The following RASGRF1 variants were observed in gnomAD, a reference collection of about 807,000 sequenced individuals.
RASGRF1 encodes the protein Ras protein specific guanine nucleotide releasing factor 1.
In RASGRF1, 40 loss-of-function variants were observed where a neutral mutation model predicts 138.7. That is an observed-to-expected ratio of 0.29 (90% CI 0.22 to 0.38). The LOEUF is 0.38. RASGRF1 is among the 10% of genes least tolerant of loss of function. RASGRF1 has a pLI of 1.00. For synonymous variants in RASGRF1, 614 were observed against 663.2 expected (o/e 0.93, Z 1.14); for missense variants, 1,108 against 1,650.4 (o/e 0.67, Z 5.69).
At chr15:79,077,734 A>G (rs1365549536) in intron 1 of RASGRF1, among the ~76,000 whole-genome samples, 2 of 152,052 alleles carry the variant, frequency 1.3e-5, no homozygotes, top group Non-Finnish European at 2.9e-5. Flanking sequence ...TATTTCTGGA[A>G]TCTGTGCCTT....
chr15:79,027,299 C>T lies in RASGRF1; in HGVS notation c.1381+442G>A, dbSNP rs920867535. On this transcript the variant is annotated intron_variant, in intron 9 of 26. Transcript: ENST00000558480. The surrounding 1 kb of genome is among the most constrained non-coding windows in gnomAD (Gnocchi z 4.8). ...GAGAACCACTGTGAAAATGGTCTCT[C>T]CAAAGCAGCAGAGGATGATGAGGAA... 5.9e-5 allele frequency among the ~76,000 whole-genome samples: 9 copies of T among 152,140 alleles called. No homozygotes were observed. The highest frequency in any genetic ancestry group is 1.3e-4 in the Non-Finnish European group (9 of 68,022).
intron 26 of RASGRF1, among the ~76,000 whole-genome samples, chr15:78,967,559 A>G (rs1335449116): frequency 6.8e-6 from 1 of 147,574 alleles, no homozygotes; most frequent in Non-Finnish European, 1.5e-5. Context: ...AAAAAACTAA[A>G]ATAAATAAAT....
chr15:79,007,550 T>TTC (rs2056705855), intron 13 of RASGRF1, among the ~76,000 whole-genome samples: 1 of 149,250 alleles, frequency 6.7e-6, no homozygotes, highest in Non-Finnish European at 1.5e-5. Flanking sequence ...ATCTAGTTTT[T>TTC]TTTTTTTTTT....
At chr15:79,047,250 A>C (rs1483994057) in intron 4 of RASGRF1, among the ~76,000 whole-genome samples, 1 of 145,050 alleles carries the variant, frequency 6.9e-6, no homozygotes, top group African/African-American at 2.4e-5. Context: ...GGCTAGACTG[A>C]AAGTGTGGTC....
chr15:79,057,266 A>G (rs1190556201), intron 3 of RASGRF1, among the ~76,000 whole-genome samples: 1 of 152,166 alleles, frequency 6.6e-6, no homozygotes, highest in African/African-American at 2.4e-5. Context: ...TGGGTGACTC[A>G]GAAGGAGCTC....
At chr15:79,070,266 G>C (rs967561765) in intron 1 of RASGRF1, among the ~76,000 whole-genome samples, 4 of 152,212 alleles carry the variant, frequency 2.6e-5, no homozygotes, top group African/African-American at 9.6e-5. Flanking sequence ...TTGTGGTCCA[G>C]TTTGGGTCAA....
chr15:78,987,267 A>G (rs969290452), intron 22 of RASGRF1, among the ~76,000 whole-genome samples: 3 of 152,226 alleles, frequency 2.0e-5, no homozygotes, highest in Non-Finnish European at 2.9e-5. Flanking sequence ...GCAGAAAGAA[A>G]TATTTGATAA....
At chr15:78,992,682 C>A (rs2056295766) in intron 20 of RASGRF1, among the ~76,000 whole-genome samples, 1 of 152,208 alleles carries the variant, frequency 6.6e-6, no homozygotes, top group Non-Finnish European at 1.5e-5. Flanking sequence ...GCAGCAGGTG[C>A]TCTGAGAGAT....
intron 12 of RASGRF1, among the ~76,000 whole-genome samples, chr15:79,016,171 T>C (rs543505768): frequency 1.3e-4 from 20 of 152,168 alleles, no homozygotes; most frequent in Non-Finnish European, 2.4e-4. Flanking sequence ...GGCATAGCGA[T>C]AGGGAAGGCT....
intron 11 of RASGRF1, among the ~76,000 whole-genome samples, chr15:79,019,819 C>G (rs2056933116): frequency 6.6e-6 from 1 of 152,208 alleles, no homozygotes; most frequent in South Asian, 2.1e-4. Context: ...AAGCCTCAGG[C>G]TCTGGCCTCT....
Position 79,003,944 on chromosome 15 carries a change from C to A in RASGRF1, c.2307G>T (p.Met769Ile). 2 of 1,614,202 alleles carry A rather than the reference C, an allele frequency of 1.2e-6. No individual in the cohort carries two copies. The highest frequency in any genetic ancestry group is 1.7e-6 in the Non-Finnish European group (2 of 1,180,024). The change falls in exon 15 of 27, where the codon ATG becomes ATT. Residue 769 changes from methionine to isoleucine, a missense_variant. Met to Ile is a conservative substitution (Grantham distance 10). This residue lies in a region of RASGRF1 where 686 missense variants were observed against 976.7 expected (regional missense o/e 0.70). Coordinates refer to ENST00000558480, the MANE Select transcript of RASGRF1 (RefSeq NM_001145648.3). ...LSCNSNGYTSMYSAMSPFSKA... is the reference protein window; with the variant it reads ...LSCNSNGYTSIYSAMSPFSKA... ...TGCTGAAGGGTGACATGGCCGAGTA[C>A]ATGCTGGTGTAGCCATTGGAGTTGC...
intron 14 of RASGRF1, chr15:79,004,994 T>C: frequency 1.0e-6 from 1 of 985,530 alleles, no homozygotes; most frequent in Non-Finnish European, 1.2e-6. Context: ...AGCCTCTTTG[T>C]TCTGCAGGGC....
At chr15:79,026,641 C>A (rs928197126) in intron 9 of RASGRF1, among the ~76,000 whole-genome samples, 2 of 152,170 alleles carry the variant, frequency 1.3e-5, no homozygotes, top group Non-Finnish European at 2.9e-5. Flanking sequence ...TCTCCAGGTC[C>A]AGCCCGGCTG....
chr15:78,976,322 G>T (rs142168343), intron 24 of RASGRF1, among the ~76,000 whole-genome samples: 16 of 152,162 alleles, frequency 1.1e-4, no homozygotes, highest in African/African-American at 3.1e-4. Flanking sequence ...TTCCCTGGCC[G>T]CATTGGAAGA....
chr15:79,035,266 GGTGACTGTCCCCAAACCTCCTGC>G (rs2057202916), intron 5 of RASGRF1, 56 bp from the exon 6 acceptor site: 10 of 1,460,274 alleles, frequency 6.8e-6, no homozygotes, highest in Non-Finnish European at 9.4e-6. Flanking sequence ...CTGCTCCAGA[GGTGACTGTCCCCAAACCTCCTGC>G]GTGACTTCAG....
intron 26 of RASGRF1, among the ~76,000 whole-genome samples, chr15:78,966,907 A>C (rs1340955916): frequency 6.6e-6 from 1 of 152,152 alleles, no homozygotes; most frequent in Non-Finnish European, 1.5e-5. Context: ...TATCTCAGTC[A>C]ATTTTTAAAT....
intron 14 of RASGRF1, chr15:79,004,818 G>A (rs144997166): frequency 2.3e-5 from 23 of 985,482 alleles, no homozygotes; most frequent in Middle Eastern, 5.2e-4. Context: ...TCTGCTCCAC[G>A]TTGCACACAG....
chr15:78,970,650 AAG>A (rs2055738755), intron 26 of RASGRF1, among the ~76,000 whole-genome samples: 1 of 150,910 alleles, frequency 6.6e-6, no homozygotes, highest in South Asian at 2.1e-4. Flanking sequence ...AAAAAAGAAA[AAG>A]AAAAAGAAAA....
chr15:79,041,258 C>T (rs147821666), intron 5 of RASGRF1, among the ~76,000 whole-genome samples: 10 of 152,328 alleles, frequency 6.6e-5, no homozygotes, highest in African/African-American at 2.2e-4. Flanking sequence ...AATGGTATGT[C>T]CCACAAAGTC....
Sources: gnomAD v4.1 joint callset for allele counts (sites outside exome capture counted in the v4.1 genomes callset) on GRCh38, gnomAD v4.1.1 for gene constraint, gnomAD v4.1.1 regional missense constraint, Gnocchi (gnomAD v3.1) non-coding constraint, MANE v1.5 for transcripts, NCBI Gene and HGNC (gene_info 2026-07-23, HGNC 2026-07-21) for gene names.